Variants in ZNF518A observed in about 807,000 individuals in gnomAD.
ZNF518A encodes the protein zinc finger protein 518A.
In ZNF518A, 47 loss-of-function variants were observed where a neutral mutation model predicts 102.7. The observed-to-expected ratio is 0.46, with a 90% confidence interval of 0.36 to 0.58. ZNF518A has a LOEUF of 0.58. ZNF518A is among the 20% of genes least tolerant of loss of function. The pLI is 0.00. For missense variants in ZNF518A, 1,793 were observed against 1,699.8 expected, an observed-to-expected ratio of 1.05 and a Z score of -0.96; for synonymous variants, 652 against 594.6, an observed-to-expected ratio of 1.10 and a Z score of -1.40.
Position 96,156,236 on chromosome 10 carries a change from C to A in ZNF518A, c.-87C>A. On this transcript the variant is annotated 5_prime_UTR_variant, in exon 6 of 6. Transcript: ENST00000316045. ...GAAAAATCCTGTATATTGAAGATGT[C>A]TCTACACAGTATCGTTTCCTGTTTA... is the stretch of plus-strand genomic sequence containing the variant. 1 of 1,352,208 alleles carries A rather than the reference C, an allele frequency of 7.4e-7. No homozygotes were observed. The highest frequency in any genetic ancestry group is 1.0e-6 in the Non-Finnish European group (1 of 1,003,244). The allele number at this position is 1,352,208 out of a possible 1,614,324, so 83.8% of individuals were successfully genotyped here.
intron 1 of ZNF518A, among the ~76,000 whole-genome samples, chr10:96,175,877 CCCTTCCTTCCTTCCTTCCTT>C (rs782226974): frequency 8.8e-4 from 44 of 49,778 alleles, no homozygotes; most frequent in East Asian, 8.1e-3. Context: ...CTCCCTCCCT[CCCTTCCTTCCTTCCTTCCTT>C]CCTTCCTTCC....
intron 1 of ZNF518A, among the ~76,000 whole-genome samples, chr10:96,131,452 C>G (rs190936119): frequency 2.0e-5 from 3 of 152,126 alleles, no homozygotes; most frequent in Admixed American, 1.3e-4. Context: ...TATAAAGAGA[C>G]ATTGCGTTCT....
At position 96,130,589 on chromosome 10, in the gene ZNF518A, A is replaced by G. The variant is rs2142164493; in HGVS notation, c.-616A>G. 1 of 152,532 alleles carries G rather than the reference A, an allele frequency of 6.6e-6. No homozygotes were observed. The highest frequency in any genetic ancestry group is 1.9e-4 in the East Asian group (1 of 5,196). 9.4% of individuals were successfully genotyped at this position (152,532 alleles called of 1,614,324 possible). A position where few individuals can be genotyped will look rare whatever the true frequency, so the allele number is the denominator to read the frequency against. ...ACTCGGCGGGTTTCGTGGTTGGTGG[A>G]GACAGCAAGGGCGCCCCGCAGACCG... On this transcript the variant is annotated 5_prime_UTR_variant, in exon 1 of 6. Transcript: ENST00000316045.
chr10:96,167,959 A>G (rs182213112), downstream of ZNF518A, among the ~76,000 whole-genome samples: 21 of 152,324 alleles, frequency 1.4e-4, no homozygotes, highest in Non-Finnish European at 2.8e-4. Flanking sequence ...GATTAATCTC[A>G]ACTTAATTTC....
intron 1 of ZNF518A, among the ~76,000 whole-genome samples, chr10:96,203,201 G>A (rs1316558997): frequency 6.6e-6 from 1 of 152,074 alleles, no homozygotes; most frequent in Non-Finnish European, 1.5e-5. Context: ...GACTTGGTTT[G>A]AAAAACGGTA....
chr10:96,188,870 T>C (rs1248129068), intron 1 of ZNF518A, among the ~76,000 whole-genome samples: 1 of 152,150 alleles, frequency 6.6e-6, no homozygotes, highest in African/African-American at 2.4e-5. Flanking sequence ...AAGTCCAAAA[T>C]CAAGGTGCCA....
intron 1 of ZNF518A, among the ~76,000 whole-genome samples, chr10:96,180,664 G>A (rs2133892125): frequency 6.6e-6 from 1 of 152,270 alleles, no homozygotes; most frequent in East Asian, 1.9e-4. Flanking sequence ...TCCCTACAAA[G>A]GACATGAACT....
In ZNF518A at chr10:96,158,724, CTAGTAA is replaced by C. The variant is rs782244538; in HGVS notation, c.2403_2408del (p.Ser802_Asn803del). 6.2e-7 allele frequency: 1 copy of C among 1,613,408 alleles called. No homozygotes were observed. The highest frequency in any genetic ancestry group is 1.1e-5 in the South Asian group (1 of 91,018). On this transcript the variant is annotated inframe_deletion, in exon 6 of 6. Transcript: ENST00000316045. ...ATAAAACCTGATGTAAAACAAGACT[CTAGTAA>C]CACTCCAAATAAAGGCTTGCCACTT... is the stretch of plus-strand genomic sequence containing the variant.
rs2083611500 is a variant in ZNF518A, at chr10:96,200,767, G to A, written n.36-2807G>A. Among the ~76,000 whole-genome samples the A allele has an allele frequency of 6.6e-6, 1 of 151,878 alleles. No individual in the cohort carries two copies. Among genetic ancestry groups the A allele is most frequent in the Non-Finnish European group, 1.5e-5 (1 of 67,974 alleles). On this transcript the variant is annotated intron_variant and non_coding_transcript_variant, in intron 1 of 2. Coordinates refer to the ZNF518A transcript ENST00000442635. This position sits in a 1 kb window ranked among gnomAD's most constrained non-coding sequence, Gnocchi z 4.3. The stretch of plus-strand genomic sequence containing the variant: ...ATAATGAAAACACATTTCCTTGCTA[G>A]TTTTGAGGAAACATTAACTGGAGCA...
chr10:96,142,350 GTGTGTT>G (rs2081976994), intron 3 of ZNF518A, among the ~76,000 whole-genome samples: 2 of 123,924 alleles, frequency 1.6e-5, no homozygotes, highest in Non-Finnish European at 1.7e-5. Flanking sequence ...GTGTGTGTGT[GTGTGTT>G]TCTAGATTCC....
downstream of ZNF518A, chr10:96,204,613 T>C: frequency 6.2e-7 from 1 of 1,613,936 alleles, no homozygotes; most frequent in South Asian, 1.1e-5. Context: ...AGGTATAGGT[T>C]TTTCTGGATC....
In ZNF518A at chr10:96,158,069, C is replaced by G; in HGVS notation, c.1747C>G (p.Leu583Val). 6.2e-7 allele frequency: 1 copy of G among 1,613,680 alleles called. No individual in the cohort carries two copies. Among genetic ancestry groups the G allele is most frequent in the Non-Finnish European group, 8.5e-7 (1 of 1,179,750 alleles). Residue 583 changes from leucine (L) to valine (V), a missense_variant, in exon 6 of 6, where the codon CTC becomes GTC. Around this residue, in one of 3 missense-constraint regions of ZNF518A, gnomAD observed 1,741 missense variants for 1,622.6 expected, o/e 1.07. Coordinates refer to ENST00000316045, the MANE Select transcript of ZNF518A (RefSeq NM_001330736.2). ...RDNVDFWGNH[L>V]TQSHPEVLGT... is the part of the protein sequence containing the mutation. ...TAATGTTGACTTCTGGGGAAATCATCTCACTCAGAGTCACCCCGAGGTATT... is the reference window on the plus strand; with the variant it reads ...TAATGTTGACTTCTGGGGAAATCATGTCACTCAGAGTCACCCCGAGGTATT...
At chr10:96,193,523 GA>G (rs1554893988) in intron 1 of ZNF518A, among the ~76,000 whole-genome samples, 1 of 152,184 alleles carries the variant, frequency 6.6e-6, no homozygotes, top group East Asian at 1.9e-4. Flanking sequence ...GAGCTGAGTT[GA>G]AACATTTGAA....
At chr10:96,137,655 G>C (rs1187433777) in intron 3 of ZNF518A, among the ~76,000 whole-genome samples, 1 of 152,146 alleles carries the variant, frequency 6.6e-6, no homozygotes, top group African/African-American at 2.4e-5. Flanking sequence ...TGTCTCACTT[G>C]CTGGTTCTTT....
chr10:96,137,720 G>T (rs1453227683), intron 3 of ZNF518A, among the ~76,000 whole-genome samples: 1 of 152,144 alleles, frequency 6.6e-6, no homozygotes, highest in Non-Finnish European at 1.5e-5. Flanking sequence ...GCCTTGGACT[G>T]CTCTTTTTGT....
chr10:96,204,143 G>T, downstream of ZNF518A: 3 of 1,593,508 alleles, frequency 1.9e-6, no homozygotes, highest in South Asian at 3.3e-5. Context: ...GAGTAAGTTT[G>T]ACTTTTTGTT....
chr10:96,166,062 C>G (rs2083138076), downstream of ZNF518A, among the ~76,000 whole-genome samples: 1 of 152,128 alleles, frequency 6.6e-6, no homozygotes, highest in African/African-American at 2.4e-5. Context: ...CCCTGGAGTT[C>G]TGATGTCCAA....
intron 1 of ZNF518A, among the ~76,000 whole-genome samples, chr10:96,172,023 CTG>C (rs1426820176): frequency 2.0e-5 from 3 of 152,072 alleles, no homozygotes; most frequent in African/African-American, 7.2e-5. Flanking sequence ...AGAAACAAAA[CTG>C]TCTTTCAAAA....
rs948799250 is a variant in ZNF518A, at chr10:96,202,872, C to T, written n.36-702C>T. ...AACATGCGTGCATCTCGTCCTTTCA[C>T]CAGCTCTTTGTGGAATGAGCTATTA... On this transcript the variant is annotated intron_variant and non_coding_transcript_variant, in intron 1 of 2. Transcript: ENST00000442635. Among the ~76,000 whole-genome samples, 5 of 152,212 alleles carry T rather than the reference C, an allele frequency of 3.3e-5. No individual in the cohort carries two copies. The East Asian group carries it at 9.6e-4, about 29-fold the overall frequency.
Sources: gnomAD v4.1 joint callset for allele counts (sites outside exome capture counted in the v4.1 genomes callset) on GRCh38, gnomAD v4.1.1 for gene constraint, gnomAD v4.1.1 regional missense constraint, Gnocchi (gnomAD v3.1) non-coding constraint, MANE v1.5 for transcripts, NCBI Gene and HGNC (gene_info 2026-07-23, HGNC 2026-07-21) for gene names.